RSF1: variants seen among roughly 807,000 people sequenced by gnomAD.
RSF1 encodes the protein remodeling and spacing factor 1.
In RSF1, 13 loss-of-function variants were observed where a neutral mutation model predicts 145.2. That is an observed-to-expected ratio of 0.09 (90% confidence interval 0.06 to 0.14). RSF1 has a LOEUF of 0.14. Ranked by LOEUF, RSF1 falls within the 10% of genes least tolerant of loss-of-function variation. The pLI, the probability that RSF1 is intolerant of heterozygous loss-of-function variation, is 1.00. For synonymous variants in RSF1, 577 were observed against 592.6 expected, an observed-to-expected ratio of 0.97 and a Z score of 0.38; for missense variants, 1,517 against 1,718.2, an observed-to-expected ratio of 0.88 and a Z score of 2.07.
intron 13 of RSF1, among the ~76,000 whole-genome samples, chr11:77,676,508 A>G (rs796762370): frequency 1.7e-4 from 26 of 152,332 alleles, no homozygotes; most frequent in African/African-American, 6.0e-4. Context: ...GGTGGCACAG[A>G]GGTACAGAGA....
chr11:77,848,688 C>T, the RSF1 span, among the ~76,000 whole-genome samples: 1 of 152,302 alleles, frequency 6.6e-6, no homozygotes. Flanking sequence ...AACTTAAGCA[C>T]AGAGAAGTTA....
At chr11:77,697,968 C>A (rs1960323183) in intron 7 of RSF1, among the ~76,000 whole-genome samples, 1 of 152,148 alleles carries the variant, frequency 6.6e-6, no homozygotes, top group Admixed American at 6.5e-5. Flanking sequence ...TTAAAGCTGG[C>A]ACTTCAAAAA....
intron 1 of RSF1, among the ~76,000 whole-genome samples, chr11:77,770,641 CAT>C (rs1948273353): frequency 2.0e-5 from 3 of 152,190 alleles, no homozygotes; most frequent in Admixed American, 6.5e-5. Context: ...GTTGTTCCCA[CAT>C]ACATAAAGAA....
chr11:77,668,266 TGCTGGGATTATAGGC>T (rs1959423980), intron 15 of RSF1, among the ~76,000 whole-genome samples: 1 of 152,266 alleles, frequency 6.6e-6, no homozygotes, highest in Non-Finnish European at 1.5e-5. Flanking sequence ...CCTCCCAAAG[TGCTGGGATTATAGGC>T]GTAAGCCACT....
At chr11:77,865,611 A>C in the RSF1 span, among the ~76,000 whole-genome samples, 2 of 152,254 alleles carry the variant, frequency 1.3e-5, no homozygotes, top group Non-Finnish European at 2.9e-5. Context: ...CTTATCAGCT[A>C]TATGCCCCAG....
At chr11:77,728,608 AGGGAGAAGGGAGAC>A (rs1961118188) in intron 4 of RSF1, among the ~76,000 whole-genome samples, 1 of 151,672 alleles carries the variant, frequency 6.6e-6, no homozygotes, top group African/African-American at 2.4e-5. Context: ...AGGGAAGGGA[AGGGAGAAGGGAGAC>A]GGGAGAAGGG....
At chr11:77,827,604 T>G in the RSF1 span, among the ~76,000 whole-genome samples, 1 of 152,156 alleles carries the variant, frequency 6.6e-6, no homozygotes, top group Admixed American at 6.6e-5. Flanking sequence ...AATAATAAAC[T>G]AGGAAGAGAA....
chr11:77,813,698 C>T (rs1337686485), intron 1 of RSF1: 2 of 459,832 alleles, frequency 4.3e-6, no homozygotes, highest in African/African-American at 2.0e-5. Flanking sequence ...GGCTTCCTGA[C>T]CGACTTGTTC....
chr11:77,843,123 A>G, the RSF1 span, among the ~76,000 whole-genome samples: 10 of 152,178 alleles, frequency 6.6e-5, no homozygotes, highest in African/African-American at 2.2e-4. Context: ...GCACCATTTT[A>G]CATCTCCACT....
At chr11:77,777,536 T>C (rs1417389046) in intron 1 of RSF1, among the ~76,000 whole-genome samples, 1 of 152,132 alleles carries the variant, frequency 6.6e-6, no homozygotes, top group East Asian at 1.9e-4. Context: ...GAGGTTGTGG[T>C]GAGCCAAGAT....
upstream of RSF1, among the ~76,000 whole-genome samples, chr11:77,822,649 TCAAGAG>T: frequency 6.6e-6 from 1 of 152,140 alleles, no homozygotes; most frequent in South Asian, 2.1e-4. Context: ...ACTCAATTTA[TCAAGAG>T]AAAAATTCTA....
intron 4 of RSF1, among the ~76,000 whole-genome samples, chr11:77,735,871 C>T (rs570386539): frequency 6.6e-6 from 1 of 152,278 alleles, no homozygotes; most frequent in African/African-American, 2.4e-5. Flanking sequence ...TTCCGAGTAG[C>T]TGGGACTACA....
chr11:77,813,820 GACACACACACAC>G (rs10688175), intron 1 of RSF1: 14 of 169,230 alleles, frequency 8.3e-5, no homozygotes, highest in South Asian at 1.3e-4. Flanking sequence ...TTTGTAAAAG[GACACACACACAC>G]ACACACACAC....
chr11:77,842,629 G>A, the RSF1 span: 1 of 1,613,604 alleles, frequency 6.2e-7, no homozygotes, highest in African/African-American at 1.3e-5. Context: ...AGGAACTGAG[G>A]TAAGATATTA....
chr11:77,761,828 A>ATT (rs11381383), intron 2 of RSF1, among the ~76,000 whole-genome samples: 1,649 of 119,496 alleles, frequency 0.014, 52 homozygotes, highest in African/African-American at 0.015. Flanking sequence ...CCATTCGGTG[A>ATT]TTTTTTTTTT....
At chr11:77,726,925 A>G (rs1271887941) in intron 4 of RSF1, among the ~76,000 whole-genome samples, 1 of 152,216 alleles carries the variant, frequency 6.6e-6, no homozygotes, top group Non-Finnish European at 1.5e-5. Context: ...TTATAAAATA[A>G]AAGAACAGAT....
intron 2 of RSF1, among the ~76,000 whole-genome samples, chr11:77,748,255 C>T (rs1400679486): frequency 2.1e-5 from 3 of 140,020 alleles, no homozygotes; most frequent in Non-Finnish European, 4.6e-5. Flanking sequence ...AGATAGGTCT[C>T]ACTCTGTTAC....
At chr11:77,747,437 AT>A (rs1948013708) in intron 2 of RSF1, among the ~76,000 whole-genome samples, 1 of 152,198 alleles carries the variant, frequency 6.6e-6, no homozygotes, top group Non-Finnish European at 1.5e-5. Flanking sequence ...ATCTCTCCAA[AT>A]GGCTGGAAGT....
chr11:77,789,187 T>C (rs1276890956), intron 1 of RSF1, among the ~76,000 whole-genome samples: 1 of 152,118 alleles, frequency 6.6e-6, no homozygotes, highest in Non-Finnish European at 1.5e-5. Context: ...CGGTCCATGT[T>C]CCCACCGTGG....
Sources: gnomAD v4.1 joint callset for allele counts (sites outside exome capture counted in the v4.1 genomes callset) on GRCh38, gnomAD v4.1.1 for gene constraint, MANE v1.5 for transcripts, NCBI Gene and HGNC (gene_info 2026-07-23, HGNC 2026-07-21) for gene names.